Variants in SCN9A observed in about 807,000 individuals in gnomAD.
SCN9A encodes sodium channel protein type 9 subunit alpha.
In SCN9A, 131 loss-of-function variants were observed where a neutral mutation model predicts 187.0. The ratio of observed to expected loss-of-function variants is 0.70; its 90% CI spans 0.61 to 0.81. The LOEUF (loss-of-function observed/expected upper bound fraction) is 0.81, where lower values mean the gene tolerates loss of function less well. Among genes scored for constraint, SCN9A ranks in the 30% least tolerant of loss-of-function variants. The pLI is 0.00. For synonymous variants in SCN9A, 809 were observed against 808.6 expected, an observed-to-expected ratio of 1.00 and a Z score of -0.01; for missense variants, 2,252 against 2,396.6, an observed-to-expected ratio of 0.94 and a Z score of 1.26.
chr2:166,336,696 T>A (rs947285723), intron 1 of SCN9A, among the ~76,000 whole-genome samples: 4 of 152,106 alleles, frequency 2.6e-5, no homozygotes, highest in African/African-American at 9.7e-5. Context: ...TAGTTCTATA[T>A]CTTCTGAGAG....
In SCN9A at chr2:166,311,730, A is replaced by T. The variant is rs1466177509; in HGVS notation, c.27T>A (p.Pro9=). Residue 9 remains proline, a synonymous_variant, in exon 2 of 27, where the codon CCT becomes CCA. Transcript: ENST00000642356. The stretch of plus-strand genomic sequence containing the variant: ...GTTTTGTGAAATGGACAAAGCTCTG[A>T]GGTCCTGGGGGAGGCAACATTGCCA... MAMLPPPG[P]QSFVHFTKQS... The T allele has an allele frequency of 6.2e-7, 1 of 1,608,900 alleles. No homozygotes were observed.
Position 166,212,404 on chromosome 2 carries a change from AATAAG to A in SCN9A, c.4399-7945_4399-7941del, listed in dbSNP as rs1260565990. On this transcript the variant is annotated intron_variant, in intron 24 of 26. Transcript: ENST00000642356. ...TCACAAGAGACAAAGTAGGTCATAA[AATAAG>A]ATAAAAGAGTTAATTCATCAAGAAG... Among the ~76,000 whole-genome samples, 2 of 152,344 alleles carry A rather than the reference AATAAG, an allele frequency of 1.3e-5. 1 individual carries two copies. Among genetic ancestry groups the A allele is most frequent in the African/African-American group, 4.8e-5 (2 of 41,588 alleles).
chr2:166,334,807 A>G (rs922595205), intron 1 of SCN9A, among the ~76,000 whole-genome samples: 2 of 152,172 alleles, frequency 1.3e-5, no homozygotes, highest in African/African-American at 2.4e-5. Flanking sequence ...AAATACTTGT[A>G]GCACAATTCA....
chr2:166,252,417 G>C (rs1696086226), intron 17 of SCN9A, among the ~76,000 whole-genome samples: 1 of 151,794 alleles, frequency 6.6e-6, no homozygotes, highest in Admixed American at 6.6e-5. Context: ...ATTATCTCTT[G>C]AATTTAAATA....
At position 166,251,751 on chromosome 2, in the gene SCN9A, A is replaced by G. The variant is rs201979079; in HGVS notation, c.3472+14T>C. 1.2e-4 allele frequency: 196 copies of G among 1,612,206 alleles called. No individual in the cohort carries two copies. In the East Asian group the frequency reaches 3.7e-3, roughly 30 times the overall value. Reference sequence around the variant, plus strand: ...ATTAAGGAATGCTAACCAAGGTCTCAATTTTTGTCTTACCATCTGTGAAAC... The same window carrying G: ...ATTAAGGAATGCTAACCAAGGTCTCGATTTTTGTCTTACCATCTGTGAAAC... On this transcript the variant is annotated intron_variant, in intron 18 of 26. Transcript: ENST00000642356.
Position 166,234,556 on chromosome 2 carries a change from G to A in SCN9A, c.3802-1094C>T, listed in dbSNP as rs141204687. Among the ~76,000 whole-genome samples the A allele has an allele frequency of 1.9e-4, 29 of 152,174 alleles. No homozygotes were observed. In the East Asian group the frequency reaches 5.0e-3, roughly 26 times the overall value. On this transcript the variant is annotated intron_variant, in intron 20 of 26. Coordinates refer to ENST00000642356, the MANE Select transcript of SCN9A (RefSeq NM_001365536.1). ...CTGATGAAGCGGGAAGTGTTTTAAA[G>A]TGCTCATCCTCATGTAGTATTTCCA...
intron 1 of SCN9A, among the ~76,000 whole-genome samples, chr2:166,320,415 A>T (rs904194670): frequency 2.4e-4 from 37 of 152,154 alleles, no homozygotes; most frequent in Admixed American, 7.2e-4. Flanking sequence ...AACACCATAT[A>T]TTTAGATACA....
chr2:166,339,331 T>C (rs1699709474), intron 1 of SCN9A, among the ~76,000 whole-genome samples: 1 of 152,136 alleles, frequency 6.6e-6, no homozygotes. Context: ...TGATATATAA[T>C]GTATCACAGA....
chr2:166,272,890 G>A lies in SCN9A; in HGVS notation c.2875-15C>T. The A allele has an allele frequency of 1.6e-6, 2 of 1,252,824 alleles. No homozygotes were observed. The highest frequency in any genetic ancestry group is 2.1e-6 in the Non-Finnish European group (2 of 935,300). The allele number at this position is 1,252,824 out of a possible 1,614,324, so 77.6% of individuals were successfully genotyped here. A position where few individuals can be genotyped will look rare whatever the true frequency, so the allele number is the denominator to read the frequency against. On this transcript the variant is annotated splice_polypyrimidine_tract_variant and intron_variant, in intron 16 of 26. Transcript: ENST00000642356. ...AGGTTTAGGACCTATATCAGGGTGGGGAGAGGGGGTAGAGAAATAGGGAGA... is the reference window on the plus strand; with the variant it reads ...AGGTTTAGGACCTATATCAGGGTGGAGAGAGGGGGTAGAGAAATAGGGAGA...
chr2:166,213,654 C>T lies in SCN9A; in HGVS notation c.4399-9190G>A, dbSNP rs144917011. Among the ~76,000 whole-genome samples the T allele has an allele frequency of 1.6e-3, 238 of 152,084 alleles. 4 individuals carry two copies. In the East Asian group the frequency reaches 0.024, roughly 15 times the overall value. On this transcript the variant is annotated intron_variant, in intron 24 of 26. Transcript: ENST00000642356. ...CACTTCGAAAGTCATTTTATGGGGC[C>T]AGAATTATTCTCATATCAAAGCCAG... is the stretch of plus-strand genomic sequence containing the variant.
At chr2:166,324,719 A>G (rs886327459) in intron 1 of SCN9A, among the ~76,000 whole-genome samples, 1 of 152,142 alleles carries the variant, frequency 6.6e-6, no homozygotes, top group Non-Finnish European at 1.5e-5. Flanking sequence ...CCTTAATCTA[A>G]CCATGAGAAA....
In SCN9A at chr2:166,197,060, A is replaced by G. The variant is rs201050175; in HGVS notation, c.*1612T>C. On this transcript the variant is annotated 3_prime_UTR_variant, in exon 27 of 27. Transcript: ENST00000642356. ...TTTAAACATTTATTATATAAATGTAATTTATTATTTTTTAAATATGGAAAG... is the reference window on the plus strand; with the variant it reads ...TTTAAACATTTATTATATAAATGTAGTTTATTATTTTTTAAATATGGAAAG... 1.0e-4 allele frequency: 15 copies of G among 150,680 alleles called. No homozygotes were observed. The South Asian group carries it at 2.9e-3, about 29-fold the overall frequency. 9.3% of individuals were successfully genotyped at this position (150,680 alleles called of 1,614,324 possible).
At chr2:166,283,110 TTAAA>T in intron 12 of SCN9A, among the ~76,000 whole-genome samples, 1 of 152,090 alleles carries the variant, frequency 6.6e-6, no homozygotes, top group East Asian at 1.9e-4. Flanking sequence ...GAAAAAACTC[TTAAA>T]TGAAGAAACT....
rs1697145598 is a variant in SCN9A, at chr2:166,274,570, T to C, written c.2875-1695A>G. Among the ~76,000 whole-genome samples the C allele has an allele frequency of 2.0e-5, 3 of 152,180 alleles. No homozygotes were observed. The South Asian group carries it at 6.2e-4, about 31-fold the overall frequency. On this transcript the variant is annotated intron_variant, in intron 16 of 26. Transcript: ENST00000642356. ...AATGTGGAAGGCTATATCAGGAATATATTTTTTTCCTTAAATTTTAATTCT... is the reference window on the plus strand; with the variant it reads ...AATGTGGAAGGCTATATCAGGAATACATTTTTTTCCTTAAATTTTAATTCT...
At chr2:166,213,073 G>A (rs75378948) in intron 24 of SCN9A, among the ~76,000 whole-genome samples, 2 of 151,794 alleles carry the variant, frequency 1.3e-5, no homozygotes, top group Admixed American at 6.6e-5. Flanking sequence ...ACATGTCTAG[G>A]AACTAGAAAA....
intron 1 of SCN9A, among the ~76,000 whole-genome samples, chr2:166,322,310 T>A (rs1699265020): frequency 6.6e-6 from 1 of 152,162 alleles, no homozygotes; most frequent in Non-Finnish European, 1.5e-5. Flanking sequence ...ACAATATATA[T>A]CATGAAGTGT....
At chr2:166,215,779 C>CAAAAAA (rs33938188) in intron 24 of SCN9A, among the ~76,000 whole-genome samples, 96 of 134,768 alleles carry the variant, frequency 7.1e-4, no homozygotes, top group African/African-American at 2.6e-3. Flanking sequence ...GTCTCCTAAC[C>CAAAAAA]AAAAAAAAAA....
In SCN9A at chr2:166,242,707, T is replaced by A. The variant is rs551622303; in HGVS notation, c.3473-51A>T. ...ATCTTGATATTCAGAATAAATAAAA[T>A]TTTTAATACATTATTTAATGCAAAC... On this transcript the variant is annotated intron_variant, in intron 18 of 26. Transcript: ENST00000642356. 3,113 of 1,387,352 alleles carry A rather than the reference T, an allele frequency of 2.2e-3. 24 individuals are homozygous for A. Among genetic ancestry groups the A allele is most frequent in the South Asian group, 0.02 (1,466 of 71,826 alleles). 85.9% of individuals were successfully genotyped at this position (1,387,352 alleles called of 1,614,324 possible).
chr2:166,299,349 C>T (rs1698458724), intron 7 of SCN9A, among the ~76,000 whole-genome samples: 1 of 150,790 alleles, frequency 6.6e-6, no homozygotes, highest in Admixed American at 6.6e-5. Flanking sequence ...ACCTTGAACC[C>T]TACCACTTAC....
Sources: gnomAD v4.1 joint callset for allele counts (sites outside exome capture counted in the v4.1 genomes callset) on GRCh38, gnomAD v4.1.1 for gene constraint, MANE v1.5 for transcripts, NCBI Gene and HGNC (gene_info 2026-07-23, HGNC 2026-07-21) for gene names.